CPEB3: variants seen among roughly 807,000 people sequenced by gnomAD.
CPEB3 encodes cytoplasmic polyadenylation element binding protein 3.
A neutral mutation model predicts 67.2 loss-of-function variants in CPEB3; 20 were observed. The observed-to-expected ratio is 0.30, with a 90% CI of 0.21 to 0.43. CPEB3 has a LOEUF of 0.43. Ranked by LOEUF, CPEB3 falls within the 20% of genes least tolerant of loss-of-function variation. CPEB3 has a pLI of 1.00. For missense variants in CPEB3, 746 were observed against 968.6 expected, an observed-to-expected ratio of 0.77 and a Z score of 3.05; for synonymous variants, 376 against 393.1, an observed-to-expected ratio of 0.96 and a Z score of 0.51.
At chr10:92,288,252 G>A (rs4933719) in intron 1 of CPEB3, among the ~76,000 whole-genome samples, 7,329 of 152,112 alleles carry the variant, frequency 0.048, 274 homozygotes, top group Non-Finnish European at 0.074. Context: ...TTGTGCTCAT[G>A]AGTTCGAAAC....
chr10:92,093,509 T>C (rs1020134885), intron 7 of CPEB3, among the ~76,000 whole-genome samples: 1 of 152,066 alleles, frequency 6.6e-6, no homozygotes, highest in Non-Finnish European at 1.5e-5. Context: ...GTCTACACTT[T>C]TTTTTTTTTG....
chr10:92,090,319 A>G (rs1276147410), intron 8 of CPEB3, among the ~76,000 whole-genome samples: 1 of 152,194 alleles, frequency 6.6e-6, no homozygotes, highest in Non-Finnish European at 1.5e-5. Context: ...AGGTGGGTGG[A>G]TCACCTGAGG....
chr10:92,111,193 G>A lies in CPEB3; in HGVS notation c.1455C>T (p.Gly485=), dbSNP rs751388716. Residue 485 remains glycine (G), a splice_region_variant and synonymous_variant, in exon 7 of 10, where the codon GGC becomes GGT. Coordinates refer to ENST00000265997, the MANE Select transcript of CPEB3 (RefSeq NM_014912.5). ...AESKSYFPPK[G]YAFLLFQEES... is the part of the protein sequence containing the mutation. ...CCTCTTGGAACAGCAGAAAGGCATAGCCTTGGGGAGAGCAAAAACAAAAGG... is the reference window on the plus strand; with the variant it reads ...CCTCTTGGAACAGCAGAAAGGCATAACCTTGGGGAGAGCAAAAACAAAAGG... 1.2e-6 allele frequency: 2 copies of A among 1,601,134 alleles called. No individual in the cohort carries two copies. The highest frequency in any genetic ancestry group is 1.1e-5 in the South Asian group (1 of 90,772).
At chr10:92,158,700 T>C (rs992538683) in intron 4 of CPEB3, among the ~76,000 whole-genome samples, 4 of 152,244 alleles carry the variant, frequency 2.6e-5, no homozygotes, top group Admixed American at 1.3e-4. Context: ...TTTTGATCTA[T>C]AAAATGAACT....
Position 92,139,628 on chromosome 10 carries a change from C to A in CPEB3, c.1453+3401G>T, listed in dbSNP as rs187380259. Among the ~76,000 whole-genome samples, 153 of 152,220 alleles carry A rather than the reference C, an allele frequency of 1.0e-3. 2 individuals carry two copies. Among genetic ancestry groups the A allele is most frequent in the Non-Finnish European group, 1.1e-3 (73 of 68,006 alleles). On this transcript the variant is annotated intron_variant, in intron 6 of 9. Coordinates refer to ENST00000265997, the MANE Select transcript of CPEB3 (RefSeq NM_014912.5). Reference sequence around the variant, plus strand: ...GAATAAGATCTTGTCTTTGATAGTACAACAGGGTGACTACAATCAACAATA... The same window carrying A: ...GAATAAGATCTTGTCTTTGATAGTAAAACAGGGTGACTACAATCAACAATA...
chr10:92,077,869 G>T (rs760458814), intron 9 of CPEB3, among the ~76,000 whole-genome samples: 1 of 152,010 alleles, frequency 6.6e-6, no homozygotes, highest in African/African-American at 2.4e-5. Flanking sequence ...CAGGGCAAAC[G>T]AAGAAGATGG....
intron 2 of CPEB3, among the ~76,000 whole-genome samples, chr10:92,229,484 T>C (rs1235471051): frequency 2.0e-5 from 3 of 152,204 alleles, no homozygotes; most frequent in African/African-American, 7.2e-5. Context: ...AGTTGATCAA[T>C]GATGAAGCGA....
intron 4 of CPEB3, among the ~76,000 whole-genome samples, chr10:92,172,085 T>G (rs1432700270): frequency 6.6e-6 from 1 of 152,092 alleles, no homozygotes; most frequent in Non-Finnish European, 1.5e-5. Flanking sequence ...CCTATGAGCC[T>G]AGGAGTTCAA....
intron 9 of CPEB3, among the ~76,000 whole-genome samples, chr10:92,054,485 G>A (rs981143511): frequency 3.3e-5 from 5 of 151,592 alleles, no homozygotes; most frequent in Non-Finnish European, 7.4e-5. Flanking sequence ...GTGCAATGGC[G>A]CAATCTCAGC....
intron 7 of CPEB3, among the ~76,000 whole-genome samples, chr10:92,106,526 G>A (rs934965663): frequency 6.6e-6 from 1 of 152,052 alleles, no homozygotes; most frequent in African/African-American, 2.4e-5. Context: ...TAGAAATTGA[G>A]ATGGGAGGCC....
At chr10:92,259,616 AT>A (rs1249296131) in intron 1 of CPEB3, among the ~76,000 whole-genome samples, 6 of 146,110 alleles carry the variant, frequency 4.1e-5, no homozygotes, top group Middle Eastern at 3.3e-3. Context: ...AAAAAAAAAA[AT>A]CATCTATCTG....
intron 1 of CPEB3, among the ~76,000 whole-genome samples, chr10:92,265,676 G>C (rs928448001): frequency 6.6e-6 from 1 of 151,162 alleles, no homozygotes; most frequent in African/African-American, 2.4e-5. Context: ...TTGAACCCAG[G>C]AGGCAGAAGG....
At chr10:92,289,616 A>G (rs553584618) in intron 1 of CPEB3, among the ~76,000 whole-genome samples, 6 of 149,578 alleles carry the variant, frequency 4.0e-5, no homozygotes, top group Non-Finnish European at 8.9e-5. Flanking sequence ...GCGGTGACTC[A>G]CATCTGTAAT....
chr10:92,143,912 T>G (rs1590232298), intron 5 of CPEB3, among the ~76,000 whole-genome samples: 1 of 152,216 alleles, frequency 6.6e-6, no homozygotes, highest in Admixed American at 6.5e-5. Flanking sequence ...TTGAGACTTT[T>G]CTCCTGTCAC....
intron 1 of CPEB3, among the ~76,000 whole-genome samples, chr10:92,249,540 C>T (rs1164865516): frequency 1.3e-5 from 2 of 151,978 alleles, no homozygotes; most frequent in East Asian, 1.9e-4. Context: ...CGCAACTACT[C>T]GGGAGGTTGA....
chr10:92,291,207 C>T (rs1842850500), upstream of CPEB3: 5 of 514,896 alleles, frequency 9.7e-6, no homozygotes, highest in Middle Eastern at 1.0e-3. Context: ...CAACTCGGCG[C>T]CCGCGGTCCA....
intron 4 of CPEB3, among the ~76,000 whole-genome samples, chr10:92,157,421 C>G (rs1476200871): frequency 1.3e-5 from 2 of 152,144 alleles, no homozygotes; most frequent in African/African-American, 4.8e-5. Context: ...TGCTTTAGAA[C>G]AGTTACAGCA....
chr10:92,140,958 A>G (rs1460557489), intron 6 of CPEB3, among the ~76,000 whole-genome samples: 19 of 23,418 alleles, frequency 8.1e-4, no homozygotes, highest in African/African-American at 2.6e-3. Flanking sequence ...TTAGAATGGC[A>G]ATCATTAAAA....
chr10:92,089,782 CA>C (rs1004995643), intron 8 of CPEB3, among the ~76,000 whole-genome samples: 8 of 142,800 alleles, frequency 5.6e-5, no homozygotes, highest in African/African-American at 5.1e-5. Flanking sequence ...GACTCCGTCT[CA>C]AAAAAAAAAG....
Sources: gnomAD v4.1 joint callset for allele counts (sites outside exome capture counted in the v4.1 genomes callset) on GRCh38, gnomAD v4.1.1 for gene constraint, MANE v1.5 for transcripts, NCBI Gene and HGNC (gene_info 2026-07-23, HGNC 2026-07-21) for gene names.